PCDHGA8: variants seen among roughly 807,000 people sequenced by gnomAD.
The protein encoded by PCDHGA8 is protocadherin gamma subfamily A, 8.
PCDHGA8 carries 45 observed loss-of-function variants against 59.2 expected under a neutral mutation model. The ratio of observed to expected loss-of-function variants is 0.76; its 90% confidence interval spans 0.60 to 0.98. The LOEUF (loss-of-function observed/expected upper bound fraction) is 0.98, where lower values mean the gene tolerates loss of function less well. Ranked by LOEUF, PCDHGA8 falls within the 50% of genes least tolerant of loss-of-function variation. The pLI is 0.00. For missense variants in PCDHGA8, 1,257 were observed against 1,196.2 expected, an observed-to-expected ratio of 1.05 and a Z score of -0.75; for synonymous variants, 531 against 519.0, an observed-to-expected ratio of 1.02 and a Z score of -0.32.
At chr5:141,479,090 T>G (rs1424205731) in intron 1 of PCDHGA8, among the ~76,000 whole-genome samples, 2 of 152,244 alleles carry the variant, frequency 1.3e-5, no homozygotes, top group Non-Finnish European at 2.9e-5. Flanking sequence ...CCAGGCATCC[T>G]TTAAATTTTA....
chr5:141,417,800 C>T, intron 1 of PCDHGA8: 1 of 1,489,386 alleles, frequency 6.7e-7, no homozygotes. Context: ...TCTTTTAGCG[C>T]GGTAGAGTGC....
In PCDHGA8 at chr5:141,490,072, G is replaced by A; in HGVS notation, c.2425-4735G>A. On this transcript the variant is annotated intron_variant, in intron 1 of 3. Transcript: ENST00000398604. This position sits in a 1 kb window ranked among gnomAD's most constrained non-coding sequence, Gnocchi z 5.4. ...AGACGAGGGCACCAACGGCCAACTA[G>A]ACTATTCTTTTGGAGACCACACATC... is the stretch of plus-strand genomic sequence containing the variant. The A allele has an allele frequency of 6.2e-7, 1 of 1,614,254 alleles. No homozygotes were observed. The highest frequency in any genetic ancestry group is 8.5e-7 in the Non-Finnish European group (1 of 1,180,042).
intron 1 of PCDHGA8, among the ~76,000 whole-genome samples, chr5:141,482,314 A>G (rs1279804501): frequency 6.6e-6 from 1 of 152,180 alleles, no homozygotes; most frequent in Admixed American, 6.5e-5. Flanking sequence ...TTCCTCATCT[A>G]TAAAATAAAG....
chr5:141,461,438 T>C (rs1034260263), intron 1 of PCDHGA8, among the ~76,000 whole-genome samples: 3 of 152,200 alleles, frequency 2.0e-5, no homozygotes, highest in African/African-American at 7.2e-5. Flanking sequence ...GTATACCTTC[T>C]TTTGAGAAAT....
intron 2 of PCDHGA8, among the ~76,000 whole-genome samples, chr5:141,499,940 G>A (rs1158937971): frequency 4.0e-5 from 6 of 151,722 alleles, no homozygotes; most frequent in Non-Finnish European, 8.8e-5. Flanking sequence ...CACCCTCCTC[G>A]GCCTCCCAAA....
chr5:141,395,158 A>G lies in PCDHGA8; in HGVS notation c.2345A>G (p.Gln782Arg). Residue 782 changes from glutamine to arginine, a missense_variant, in exon 1 of 4, where the codon CAG becomes CGG. Gln to Arg is a conservative substitution (Grantham distance 43, BLOSUM62 1). Transcript: ENST00000398604. ...AACTACGCAGACATGCTCATCAGTCAGGAGGGCTGTGAGAAAAATGATTCT... is the reference window on the plus strand; with the variant it reads ...AACTACGCAGACATGCTCATCAGTCGGGAGGGCTGTGAGAAAAATGATTCT... ...QPNYADMLIS[Q>R]EGCEKNDSLL... 2 of 1,614,208 alleles carry G rather than the reference A, an allele frequency of 1.2e-6. No homozygotes were observed. Among genetic ancestry groups the G allele is most frequent in the Non-Finnish European group, 1.7e-6 (2 of 1,180,022 alleles).
intron 1 of PCDHGA8, chr5:141,399,237 AGATTCTG>A: frequency 6.2e-7 from 1 of 1,614,002 alleles, no homozygotes; most frequent in South Asian, 1.1e-5. Context: ...TACATGACCA[AGATTCTG>A]GGGAAAATGG....
At chr5:141,454,721 A>G (rs2098797156) in intron 1 of PCDHGA8, among the ~76,000 whole-genome samples, 1 of 146,810 alleles carries the variant, frequency 6.8e-6, no homozygotes, top group South Asian at 2.2e-4. Flanking sequence ...ATTCCATATT[A>G]TATGTTATAG....
At position 141,394,517 on chromosome 5, in the gene PCDHGA8, C is replaced by T. The variant is rs1226195225; in HGVS notation, c.1704C>T (p.Pro568=). The change falls in exon 1 of 4, where the codon CCC becomes CCT. Residue 568 remains proline (P), a synonymous_variant. Transcript: ENST00000398604. ...NAPEILYPAL[P]TDGSTGVELA... is the part of the protein sequence containing the mutation. ...CCGAGATCCTGTACCCCGCCCTCCC[C>T]ACAGACGGTTCCACTGGCGTGGAGC... 5 of 1,614,116 alleles carry T rather than the reference C, an allele frequency of 3.1e-6. No individual in the cohort carries two copies. The Admixed American group carries it at 5.0e-5, about 16-fold the overall frequency.
intron 1 of PCDHGA8, among the ~76,000 whole-genome samples, chr5:141,445,078 G>T (rs1591839605): frequency 6.6e-6 from 1 of 152,208 alleles, no homozygotes; most frequent in East Asian, 1.9e-4. Flanking sequence ...TCATTAAATT[G>T]TCCCTACATA....
rs755462760 is a variant in PCDHGA8, at chr5:141,393,015, T to A, written c.202T>A (p.Ser68Thr). The change falls in exon 1 of 4, where the codon TCC (serine) becomes ACC (threonine). Residue 68 changes from serine (S) to threonine (T), a missense_variant. Coordinates refer to ENST00000398604, the MANE Select transcript of PCDHGA8 (RefSeq NM_032088.2). Reference protein sequence around the residue: ...KLAKHGVRIVSRGRTQLFALN... With the variant: ...KLAKHGVRIVTRGRTQLFALN... ...GGCGAAGCACGGAGTCCGTATCGTC[T>A]CCAGAGGTAGGACGCAGCTCTTTGC... The A allele has an allele frequency of 1.6e-5, 26 of 1,613,696 alleles. No individual in the cohort carries two copies. The highest frequency in any genetic ancestry group is 1.9e-5 in the Non-Finnish European group (22 of 1,179,874).
intron 1 of PCDHGA8, chr5:141,410,715 G>A: frequency 1.4e-6 from 2 of 1,422,782 alleles, no homozygotes; most frequent in Non-Finnish European, 1.9e-6. Context: ...AGAATCATAT[G>A]TTTAAAATCC....
chr5:141,419,423 C>A, intron 1 of PCDHGA8: 1 of 1,613,368 alleles, frequency 6.2e-7, no homozygotes, highest in Non-Finnish European at 8.5e-7. Context: ...CGCCTTCGAC[C>A]ACGAGCAGCT....
rs775398827 is a variant in PCDHGA8, at chr5:141,393,961, T to C, written c.1148T>C (p.Val383Ala). ...DQDSGKNGQV[V>A]CYTRDNLPFK... ...GACTCTGGAAAGAATGGTCAAGTTGTCTGTTACACACGTGATAATTTACCT... is the reference window on the plus strand; with the variant it reads ...GACTCTGGAAAGAATGGTCAAGTTGCCTGTTACACACGTGATAATTTACCT... The change falls in exon 1 of 4, where the codon GTC becomes GCC. Residue 383 changes from valine to alanine, a missense_variant. By Grantham distance (64) the Val-to-Ala change is moderately conservative (BLOSUM62 0). Coordinates refer to ENST00000398604, the MANE Select transcript of PCDHGA8 (RefSeq NM_032088.2). The C allele has an allele frequency of 6.2e-7, 1 of 1,613,960 alleles. No homozygotes were observed. The highest frequency in any genetic ancestry group is 1.1e-5 in the South Asian group (1 of 91,076).
rs763239421 is a variant in PCDHGA8, at chr5:141,477,265, G to C, written c.2425-17542G>C. 1 of 1,614,198 alleles carries C rather than the reference G, an allele frequency of 6.2e-7. No homozygotes were observed. Among genetic ancestry groups the C allele is most frequent in the Admixed American group, 1.7e-5 (1 of 60,020 alleles). On this transcript the variant is annotated intron_variant, in intron 1 of 3. Coordinates refer to ENST00000398604, the MANE Select transcript of PCDHGA8 (RefSeq NM_032088.2). The surrounding 1 kb of genome is among the most constrained non-coding windows in gnomAD (Gnocchi z 4.9). ...GTGTGACTGACCTGGATGCTGGCGA[G>C]AACGGGCTGGTGACCTGCGAAGTTC...
intron 1 of PCDHGA8, among the ~76,000 whole-genome samples, chr5:141,442,917 G>A (rs1041756930): frequency 6.6e-6 from 1 of 152,178 alleles, no homozygotes; most frequent in Non-Finnish European, 1.5e-5. Context: ...GCACACAACT[G>A]TTTCATTTTC....
In PCDHGA8 at chr5:141,489,094, G is replaced by T; in HGVS notation, c.2425-5713G>T. The T allele has an allele frequency of 1.5e-5, 6 of 395,994 alleles. No homozygotes were observed. The highest frequency in any genetic ancestry group is 4.1e-5 in the East Asian group (1 of 24,388). The allele number at this position is 395,994 out of a possible 1,614,324, so 24.5% of individuals were successfully genotyped here. ...CCCACCCCCGCCACTCGGTGACTAA[G>T]AACTGCTGCAAGCAGGCAAACCTCC... On this transcript the variant is annotated intron_variant, in intron 1 of 3. Coordinates refer to ENST00000398604, the MANE Select transcript of PCDHGA8 (RefSeq NM_032088.2). This position sits in a 1 kb window ranked among gnomAD's most constrained non-coding sequence, Gnocchi z 4.5.
chr5:141,421,634 A>G (rs771759412), intron 1 of PCDHGA8: 12 of 1,613,714 alleles, frequency 7.4e-6, no homozygotes, highest in South Asian at 1.1e-5. Context: ...AGCTTCCAGG[A>G]GGACGAAGTG....
chr5:141,440,077 C>T (rs983267885), intron 1 of PCDHGA8: 1 of 152,424 alleles, frequency 6.6e-6, no homozygotes, highest in Non-Finnish European at 1.5e-5. Flanking sequence ...AGGAATAATA[C>T]TTCATTCTAA....
Sources: allele counts gnomAD v4.1 joint callset (sites outside exome capture counted in the v4.1 genomes callset), GRCh38; gene constraint gnomAD v4.1.1; non-coding constraint Gnocchi (gnomAD v3.1); transcripts MANE v1.5; gene names NCBI Gene and HGNC (gene_info 2026-07-23, HGNC 2026-07-21).